SIMC1: variants seen among roughly 807,000 people sequenced by gnomAD.
SIMC1 encodes SUMO-interacting motif-containing protein 1.
A neutral mutation model predicts 82.3 loss-of-function variants in SIMC1; 55 were observed. The ratio of observed to expected loss-of-function variants is 0.67; its 90% CI spans 0.54 to 0.84. SIMC1 has a LOEUF of 0.84. Among genes scored for constraint, SIMC1 ranks in the 40% least tolerant of loss-of-function variants. The pLI is 0.00. For missense variants in SIMC1, 915 were observed against 1,107.2 expected, an observed-to-expected ratio of 0.83 and a Z score of 2.46; for synonymous variants, 353 against 426.3, an observed-to-expected ratio of 0.83 and a Z score of 2.12.
chr5:176,328,494 C>CT (rs1306658409), intron 7 of SIMC1, among the ~76,000 whole-genome samples: 1 of 151,740 alleles, frequency 6.6e-6, no homozygotes, highest in Non-Finnish European at 1.5e-5. Context: ...GCTGTAAACA[C>CT]TTTTTAGAGT....
Position 176,290,229 on chromosome 5 carries a change from TCCA to T in SIMC1, c.710_712del (p.Pro237del), listed in dbSNP as rs760558809. On this transcript the variant is annotated inframe_deletion, in exon 2 of 10. Transcript: ENST00000429602. ...CATGCCCACCGAGAGCCTCACCATG[TCCA>T]CCACGAGCCTCCTCATGCCCACCAC... 1 of 1,610,374 alleles carries T rather than the reference TCCA, an allele frequency of 6.2e-7. No homozygotes were observed. The highest frequency in any genetic ancestry group is 1.4e-5 in the African/African-American group (1 of 73,700).
chr5:176,284,345 A>G (rs1245584908), intron 1 of SIMC1, among the ~76,000 whole-genome samples: 1 of 152,236 alleles, frequency 6.6e-6, no homozygotes, highest in Non-Finnish European at 1.5e-5. Context: ...AGTGCAATCA[A>G]ACTAGAACTC....
chr5:176,318,327 A>G (rs1765006237), intron 5 of SIMC1, among the ~76,000 whole-genome samples: 1 of 152,224 alleles, frequency 6.6e-6, no homozygotes. Context: ...ATTTAGTTCT[A>G]GGAATTCAAC....
At chr5:176,260,389 C>T (rs1252127041) in intron 1 of SIMC1, among the ~76,000 whole-genome samples, 2 of 152,046 alleles carry the variant, frequency 1.3e-5, no homozygotes, top group Non-Finnish European at 2.9e-5. Context: ...TACACCAAAA[C>T]CTCACAAATC....
intron 4 of SIMC1, among the ~76,000 whole-genome samples, chr5:176,298,375 C>T (rs960129133): frequency 5.3e-5 from 8 of 152,184 alleles, no homozygotes; most frequent in Non-Finnish European, 8.8e-5. Flanking sequence ...CGTGAGCCAC[C>T]ACACCTGTCC....
intron 4 of SIMC1, chr5:176,313,081 G>T (rs1397952666): frequency 3.5e-5 from 7 of 199,734 alleles, no homozygotes; most frequent in Non-Finnish European, 7.1e-5. Flanking sequence ...TGTCAGTTAG[G>T]ATCATTTCAC....
rs573295192 is a variant in SIMC1, at chr5:176,331,971, A to G, written c.2172-4749A>G. Among the ~76,000 whole-genome samples the G allele has an allele frequency of 3.0e-4, 46 of 152,260 alleles. 2 individuals carry two copies. In the South Asian group the frequency reaches 9.5e-3, roughly 32 times the overall value. ...GCAACAGAGCAAGACTGTCTAAAAA[A>G]AAAAACAAACAAACACAAACTTTGC... On this transcript the variant is annotated intron_variant, in intron 7 of 9. Transcript: ENST00000429602.
chr5:176,288,890 T>C (rs1247293841), intron 1 of SIMC1, among the ~76,000 whole-genome samples: 3 of 152,218 alleles, frequency 2.0e-5, no homozygotes, highest in Non-Finnish European at 4.4e-5. Context: ...CTGTACTGTA[T>C]CATTAGGCTT....
At position 176,324,015 on chromosome 5, in the gene SIMC1, C is replaced by A. The variant is rs201941159; in HGVS notation, c.2043-614C>A. ...AAAAAAAAAAAAAAAAAAAAAAAAA[C>A]ACGTGTTAGAAAAGGCTGATGTCAG... On this transcript the variant is annotated intron_variant, in intron 6 of 9. Transcript: ENST00000429602. 2.1e-3 allele frequency among the ~76,000 whole-genome samples: 299 copies of A among 143,414 alleles called. 3 individuals are homozygous for A. Among genetic ancestry groups the A allele is most frequent in the Middle Eastern group, 0.011 (3 of 276 alleles). 94.1% of individuals were successfully genotyped at this position (143,414 alleles called of 152,430 possible).
intron 2 of SIMC1, among the ~76,000 whole-genome samples, chr5:176,292,568 T>A (rs1043442928): frequency 6.6e-6 from 1 of 151,840 alleles, no homozygotes; most frequent in African/African-American, 2.4e-5. Context: ...TGGGACAGAG[T>A]CTCACCCTGT....
chr5:176,306,925 A>AT (rs1317016742), intron 4 of SIMC1, among the ~76,000 whole-genome samples: 19 of 99,814 alleles, frequency 1.9e-4, no homozygotes, highest in African/African-American at 6.5e-4. Context: ...ATAAATTAAA[A>AT]AAAAAAAATA....
At chr5:176,297,502 C>CAAAAAAAAAAA (rs896827211) in intron 4 of SIMC1, among the ~76,000 whole-genome samples, 1 of 35,932 alleles carries the variant, frequency 2.8e-5, no homozygotes, top group Non-Finnish European at 5.6e-5. Context: ...AACTCTGTCT[C>CAAAAAAAAAAA]AAAAAAAAAA....
chr5:176,342,546 G>A (rs989736648), intron 9 of SIMC1, among the ~76,000 whole-genome samples: 8 of 152,166 alleles, frequency 5.3e-5, no homozygotes, highest in Admixed American at 2.0e-4. Context: ...GTCCAAGGTC[G>A]AGGGGCTGCA....
At chr5:176,296,554 A>C (rs1763825683) in intron 4 of SIMC1, 1 of 517,896 alleles carries the variant, frequency 1.9e-6, no homozygotes, top group African/African-American at 1.9e-5. Context: ...CTGTGGTCCC[A>C]GCTACACAGA....
At chr5:176,305,757 A>T (rs866073937) in intron 4 of SIMC1, among the ~76,000 whole-genome samples, 2 of 13,476 alleles carry the variant, frequency 1.5e-4, no homozygotes, top group Admixed American at 6.9e-4. Flanking sequence ...GAGGGAGGTG[A>T]GGGGGTCAGC....
At chr5:176,308,057 G>C in intron 4 of SIMC1, 1 of 714,070 alleles carries the variant, frequency 1.4e-6, no homozygotes, top group Non-Finnish European at 2.6e-6. Flanking sequence ...AATGAGCTGG[G>C]CCAAGATGGC....
intron 4 of SIMC1, among the ~76,000 whole-genome samples, chr5:176,307,323 A>T (rs572040824): frequency 6.6e-6 from 1 of 152,200 alleles, no homozygotes; most frequent in Non-Finnish European, 1.5e-5. Context: ...CTTTTACAGG[A>T]CTGTGAATAT....
chr5:176,254,306 G>A (rs1761782154), intron 1 of SIMC1, among the ~76,000 whole-genome samples: 1 of 152,118 alleles, frequency 6.6e-6, no homozygotes, highest in Non-Finnish European at 1.5e-5. Flanking sequence ...GTAGGAGTCT[G>A]ATTATGTAGT....
chr5:176,270,803 C>T (rs1013427112), intron 1 of SIMC1, among the ~76,000 whole-genome samples: 5 of 152,212 alleles, frequency 3.3e-5, no homozygotes, highest in African/African-American at 4.8e-5. Context: ...AGAGGCAAAT[C>T]GTCCATCCTA....
Sources: gnomAD v4.1 joint callset for allele counts (sites outside exome capture counted in the v4.1 genomes callset) on GRCh38, gnomAD v4.1.1 for gene constraint, MANE v1.5 for transcripts, NCBI Gene and HGNC (gene_info 2026-07-23, HGNC 2026-07-21) for gene names.